Variants in SLC44A5 observed in about 807,000 individuals in gnomAD.
The protein encoded by SLC44A5 is solute carrier family 44 member 5, also known as choline transporter-like protein 5.
SLC44A5 carries 57 observed loss-of-function variants against 101.8 expected under a neutral mutation model. That is an observed-to-expected ratio of 0.56 (90% CI 0.45 to 0.70). SLC44A5 has a LOEUF of 0.70. Ranked by LOEUF, SLC44A5 falls within the 30% of genes least tolerant of loss-of-function variation. SLC44A5 has a pLI of 0.00. For missense variants in SLC44A5, 737 were observed against 853.1 expected (o/e 0.86, Z 1.70); for synonymous variants, 281 against 290.9 (o/e 0.97, Z 0.35).
At chr1:75,710,831 G>C in the SLC44A5 span, among the ~76,000 whole-genome samples, 16 of 152,202 alleles carry the variant, frequency 1.1e-4, no homozygotes, top group Middle Eastern at 6.8e-3. Context: ...AGTATAATAC[G>C]GTCTAGTGAC....
chr1:75,460,549 T>C (rs1267740123), intron 2 of SLC44A5, among the ~76,000 whole-genome samples: 2 of 152,172 alleles, frequency 1.3e-5, no homozygotes, highest in African/African-American at 4.8e-5. Context: ...ACTGTGTAGA[T>C]TTAAACTAAT....
At chr1:75,591,194 A>C (rs1674331213) in intron 1 of SLC44A5, among the ~76,000 whole-genome samples, 1 of 152,210 alleles carries the variant, frequency 6.6e-6, no homozygotes, top group Non-Finnish European at 1.5e-5. Flanking sequence ...ATGAGTCTGC[A>C]AGAACCACAG....
In SLC44A5 at chr1:75,251,286, G is replaced by C. The variant is rs1649550457; in HGVS notation, c.269C>G (p.Thr90Ser). Residue 90 changes from threonine to serine, a missense_variant, in exon 7 of 24, where the codon ACC becomes AGC. Coordinates refer to ENST00000370859, the MANE Select transcript of SLC44A5 (RefSeq NM_001130058.2). ...TAACAGGTTAAAGTAAAACAAAATG[G>C]TCTTGTTCCTGTTAAGAAAGAAAAC... is the stretch of plus-strand genomic sequence containing the variant. ...GQKGTPNENKTILFYFNLLRC... is the reference protein window; with the variant it reads ...GQKGTPNENKSILFYFNLLRC... The C allele has an allele frequency of 6.2e-7, 1 of 1,611,636 alleles. No individual in the cohort carries two copies. Among genetic ancestry groups the C allele is most frequent in the Non-Finnish European group, 8.5e-7 (1 of 1,178,472 alleles).
At chr1:75,643,158 T>C in the SLC44A5 span, among the ~76,000 whole-genome samples, 1 of 152,172 alleles carries the variant, frequency 6.6e-6, no homozygotes, top group Non-Finnish European at 1.5e-5. Context: ...CTTCAGATAA[T>C]ACCATAAATC....
chr1:75,207,393 T>C (rs1289913951), intron 23 of SLC44A5, among the ~76,000 whole-genome samples: 1 of 152,222 alleles, frequency 6.6e-6, no homozygotes, highest in Non-Finnish European at 1.5e-5. Flanking sequence ...ACCTTTCAGC[T>C]TTGCTTAGGC....
rs147491285 is a variant in SLC44A5 at position 75,368,779 on chromosome 1, C to T, written c.52+27804G>A. ...AAGGGGAACTCCTTCATGATGCATACGCAACTATGAGAATGTTCTGCATGT... is the reference window on the plus strand; with the variant it reads ...AAGGGGAACTCCTTCATGATGCATATGCAACTATGAGAATGTTCTGCATGT... On this transcript the variant is annotated intron_variant, in intron 3 of 23. Coordinates refer to ENST00000370859, the MANE Select transcript of SLC44A5 (RefSeq NM_001130058.2). 2.2e-3 allele frequency among the ~76,000 whole-genome samples: 338 copies of T among 152,204 alleles called. 1 individual carries two copies. The highest frequency in any genetic ancestry group is 7.4e-3 in the African/African-American group (309 of 41,538).
At chr1:75,262,549 A>G (rs758583665) in intron 6 of SLC44A5, among the ~76,000 whole-genome samples, 5 of 152,230 alleles carry the variant, frequency 3.3e-5, no homozygotes, top group Non-Finnish European at 5.9e-5. Context: ...TGAAAATGCC[A>G]TATTTCCCAA....
intron 4 of SLC44A5, among the ~76,000 whole-genome samples, chr1:75,315,169 C>T (rs1014937713): frequency 2.0e-5 from 3 of 151,982 alleles, no homozygotes; most frequent in Admixed American, 1.3e-4. Flanking sequence ...GAGTATATGT[C>T]CATTTATGTG....
chr1:75,524,130 T>G (rs1670292213), intron 2 of SLC44A5, among the ~76,000 whole-genome samples: 1 of 152,184 alleles, frequency 6.6e-6, no homozygotes, highest in African/African-American at 2.4e-5. Context: ...AACAGATCTC[T>G]TCTTTGCTGT....
chr1:75,523,392 A>T (rs748616691), intron 2 of SLC44A5, among the ~76,000 whole-genome samples: 11 of 152,072 alleles, frequency 7.2e-5, no homozygotes, highest in Non-Finnish European at 1.5e-4. Context: ...AGCCCACTGC[A>T]ACCTCCACCT....
At chr1:75,409,925 T>C (rs188010854) in intron 2 of SLC44A5, among the ~76,000 whole-genome samples, 1 of 152,198 alleles carries the variant, frequency 6.6e-6, no homozygotes, top group Admixed American at 6.6e-5. Flanking sequence ...ATGACATACA[T>C]ACATACATAT....
the SLC44A5 span, among the ~76,000 whole-genome samples, chr1:75,619,691 G>T: frequency 2.6e-5 from 4 of 152,114 alleles, no homozygotes; most frequent in Non-Finnish European, 4.4e-5. Context: ...AACAGCAAGG[G>T]CTGAACCAAA....
At chr1:75,605,915 A>G (rs995369888) in intron 1 of SLC44A5, among the ~76,000 whole-genome samples, 1 of 151,964 alleles carries the variant, frequency 6.6e-6, no homozygotes, top group African/African-American at 2.4e-5. Flanking sequence ...AGCCTTGGCA[A>G]CATTGACAAT....
chr1:75,430,334 C>G (rs992900048), intron 2 of SLC44A5, among the ~76,000 whole-genome samples: 1 of 152,112 alleles, frequency 6.6e-6, no homozygotes, highest in African/African-American at 2.4e-5. Context: ...AGATACAGAA[C>G]CTGCTCATTC....
chr1:75,212,636 C>T (rs1165704664), intron 22 of SLC44A5, among the ~76,000 whole-genome samples: 3 of 152,104 alleles, frequency 2.0e-5, no homozygotes, highest in Admixed American at 6.6e-5. Context: ...CAGTACTTAG[C>T]AAAAATATGT....
rs1332016343 is a variant in SLC44A5 at position 75,384,261 on chromosome 1, C to T, written c.52+12322G>A. Among the ~76,000 whole-genome samples the T allele has an allele frequency of 9.2e-5, 14 of 152,118 alleles. No homozygotes were observed. The East Asian group carries it at 2.3e-3, about 25-fold the overall frequency. ...GCTCCAATGGAAAGACACAGACTGG[C>T]AAATTGGATAAAGAGTCAAGACCCA... is the stretch of plus-strand genomic sequence containing the variant. On this transcript the variant is annotated intron_variant, in intron 3 of 23. Coordinates refer to ENST00000370859, the MANE Select transcript of SLC44A5 (RefSeq NM_001130058.2).
intron 4 of SLC44A5, among the ~76,000 whole-genome samples, chr1:75,321,284 G>C (rs1464273908): frequency 6.6e-6 from 1 of 152,096 alleles, no homozygotes; most frequent in Non-Finnish European, 1.5e-5. Flanking sequence ...AGCTCAGGCT[G>C]CTATTAACAA....
intron 3 of SLC44A5, among the ~76,000 whole-genome samples, chr1:75,346,088 A>T (rs375744084): frequency 2.0e-4 from 31 of 152,270 alleles, no homozygotes; most frequent in African/African-American, 7.0e-4. Context: ...CCCAAAACTC[A>T]TCTCAGGCAG....
Position 75,210,945 on chromosome 1 carries a change from T to C in SLC44A5, c.2047+523A>G, listed in dbSNP as rs554725972. 5.1e-4 allele frequency among the ~76,000 whole-genome samples: 77 copies of C among 152,326 alleles called. No homozygotes were observed. The South Asian group carries it at 6.2e-3, about 12-fold the overall frequency. On this transcript the variant is annotated intron_variant, in intron 23 of 23. Transcript: ENST00000370859. ...ATTTAAGGTGTGTAATGTTTTGATA[T>C]ATGCATATATAGTAAAATGATTGCC...
Sources: allele counts gnomAD v4.1 joint callset (sites outside exome capture counted in the v4.1 genomes callset), GRCh38; gene constraint gnomAD v4.1.1; transcripts MANE v1.5; gene names NCBI Gene and HGNC (gene_info 2026-07-23, HGNC 2026-07-21).